BAZ1A: variants seen among roughly 807,000 people sequenced by gnomAD.
The protein encoded by BAZ1A is bromodomain adjacent to zinc finger domain 1A.
A neutral mutation model predicts 185.2 loss-of-function variants in BAZ1A; 50 were observed. That is an observed-to-expected ratio of 0.27 (90% CI 0.22 to 0.34). The LOEUF (loss-of-function observed/expected upper bound fraction) is 0.34, where lower values mean the gene tolerates loss of function less well. Ranked by LOEUF, BAZ1A falls within the 10% of genes least tolerant of loss-of-function variation. The probability of loss-of-function intolerance (pLI) is 1.00; values close to 1 mark genes in which losing one functional copy is unlikely to be tolerated. For missense variants in BAZ1A, 1,356 were observed against 1,839.9 expected (o/e 0.74, Z 4.81); for synonymous variants, 571 against 615.6 (o/e 0.93, Z 1.07).
chr14:34,793,937 G>A (rs573481418), intron 11 of BAZ1A, among the ~76,000 whole-genome samples: 19 of 150,170 alleles, frequency 1.3e-4, no homozygotes, highest in Non-Finnish European at 2.1e-4. Context: ...GCGAGACTCC[G>A]TCTCAAAAAG....
At chr14:34,786,043 A>G in intron 13 of BAZ1A, 42 bp from the exon 14 acceptor site, 2 of 1,597,068 alleles carry the variant, frequency 1.3e-6, no homozygotes, top group Middle Eastern at 1.7e-4. Flanking sequence ...GAATATAAAC[A>G]ATAAATACTC....
At chr14:34,793,868 G>A (rs1444942335) in intron 11 of BAZ1A, among the ~76,000 whole-genome samples, 11 of 152,080 alleles carry the variant, frequency 7.2e-5, no homozygotes, top group Non-Finnish European at 1.5e-4. Flanking sequence ...CTTGAACCCC[G>A]GAGGTGGAGG....
chr14:34,842,031 T>C (rs1038852292), intron 3 of BAZ1A, among the ~76,000 whole-genome samples: 7 of 152,188 alleles, frequency 4.6e-5, no homozygotes, highest in African/African-American at 1.7e-4. Context: ...TCTAAAATTA[T>C]CCTTTTGTGT....
rs369345840 is a variant in BAZ1A at position 34,777,174 on chromosome 14, T to G, written c.2237-659A>C. Among the ~76,000 whole-genome samples, 6 of 152,308 alleles carry G rather than the reference T, an allele frequency of 3.9e-5. No homozygotes were observed. In the East Asian group the frequency reaches 1.2e-3, roughly 29 times the overall value. On this transcript the variant is annotated intron_variant, in intron 17 of 26. Transcript: ENST00000360310. ...TTATAAATATTTGTCTTTGTGGATCTTATGGTCTTCACAGCTATTCAATTC... is the reference window on the plus strand; with the variant it reads ...TTATAAATATTTGTCTTTGTGGATCGTATGGTCTTCACAGCTATTCAATTC...
At chr14:34,847,236 T>TA (rs5807798) in intron 3 of BAZ1A, among the ~76,000 whole-genome samples, 38,016 of 142,442 alleles carry the variant, frequency 0.27, 5,544 homozygotes, top group Middle Eastern at 0.35. Context: ...AGACTAGTCT[T>TA]AAAAAAAAAA....
At chr14:34,808,701 T>C (rs888733996) in intron 5 of BAZ1A, among the ~76,000 whole-genome samples, 1 of 152,152 alleles carries the variant, frequency 6.6e-6, no homozygotes, top group Non-Finnish European at 1.5e-5. Flanking sequence ...TTAAAATTAA[T>C]ATTCTAAAAC....
chr14:34,827,498 G>A (rs2042180311), intron 3 of BAZ1A, among the ~76,000 whole-genome samples: 1 of 151,964 alleles, frequency 6.6e-6, no homozygotes, highest in African/African-American at 2.4e-5. Flanking sequence ...CACTTTGGGA[G>A]GCCGAGGCGG....
intron 3 of BAZ1A, among the ~76,000 whole-genome samples, chr14:34,846,699 A>G (rs894175494): frequency 6.6e-6 from 1 of 152,192 alleles, no homozygotes; most frequent in African/African-American, 2.4e-5. Context: ...TAAGGGTTCT[A>G]AATGTTAACT....
At chr14:34,798,928 T>G (rs1021954646) in intron 9 of BAZ1A, among the ~76,000 whole-genome samples, 2 of 152,174 alleles carry the variant, frequency 1.3e-5, no homozygotes, top group South Asian at 2.1e-4. Flanking sequence ...TAAAGTCACA[T>G]GCACACATAT....
chr14:34,808,806 T>TAGA (rs890575568), intron 5 of BAZ1A, among the ~76,000 whole-genome samples: 68 of 151,934 alleles, frequency 4.5e-4, no homozygotes, highest in African/African-American at 1.5e-3. Flanking sequence ...AGAAAAGAAA[T>TAGA]AGAAGTATTT....
At chr14:34,834,853 G>C (rs1006772176) in intron 3 of BAZ1A, among the ~76,000 whole-genome samples, 7 of 152,184 alleles carry the variant, frequency 4.6e-5, no homozygotes, top group Admixed American at 3.3e-4. Context: ...GACCCAGCTA[G>C]AGGATCTTCA....
At chr14:34,836,816 CAA>C (rs1390042047) in intron 3 of BAZ1A, among the ~76,000 whole-genome samples, 3 of 151,970 alleles carry the variant, frequency 2.0e-5, no homozygotes, top group Non-Finnish European at 4.4e-5. Flanking sequence ...GCTATTCACA[CAA>C]AAAGAGTGTG....
chr14:34,866,541 T>C (rs1254109683), intron 2 of BAZ1A, among the ~76,000 whole-genome samples: 1 of 145,168 alleles, frequency 6.9e-6, no homozygotes, highest in East Asian at 2.0e-4. Flanking sequence ...AACAAACATA[T>C]CTATAATATT....
chr14:34,861,389 G>A (rs192203820), intron 3 of BAZ1A, among the ~76,000 whole-genome samples: 60 of 152,270 alleles, frequency 3.9e-4, no homozygotes, highest in Middle Eastern at 3.4e-3. Flanking sequence ...CTCGGTGAAA[G>A]GGAAGAGCAC....
intron 20 of BAZ1A, among the ~76,000 whole-genome samples, chr14:34,772,609 A>G (rs1270133862): frequency 6.6e-6 from 1 of 152,188 alleles, no homozygotes; most frequent in Non-Finnish European, 1.5e-5. Flanking sequence ...TAGTAATAAT[A>G]TTTAATACTT....
chr14:34,849,025 G>A (rs1004571258), intron 3 of BAZ1A, among the ~76,000 whole-genome samples: 3 of 152,194 alleles, frequency 2.0e-5, no homozygotes, highest in African/African-American at 7.2e-5. Context: ...GTGGCTAGGT[G>A]TGGTGGCTCA....
intron 3 of BAZ1A, among the ~76,000 whole-genome samples, chr14:34,839,715 T>C (rs946329618): frequency 1.3e-5 from 2 of 150,210 alleles, no homozygotes; most frequent in Non-Finnish European, 3.0e-5. Flanking sequence ...TGGTGGCGGG[T>C]GCCTGTAGTC....
At chr14:34,770,496 C>G (rs1407559727) in intron 21 of BAZ1A, among the ~76,000 whole-genome samples, 1 of 152,172 alleles carries the variant, frequency 6.6e-6, no homozygotes, top group African/African-American at 2.4e-5. Context: ...GTAGTTCTTT[C>G]AATAGGAGAC....
At chr14:34,844,758 AACACACACACACACACGCGCAC>A (rs970130098) in intron 3 of BAZ1A, among the ~76,000 whole-genome samples, 1 of 130,848 alleles carries the variant, frequency 7.6e-6, no homozygotes, top group Non-Finnish European at 1.6e-5. Flanking sequence ...ACCCTGTCTA[AACACACACACACACACGCGCAC>A]ACACACACAC....
Sources: allele counts gnomAD v4.1 joint callset (sites outside exome capture counted in the v4.1 genomes callset), GRCh38; gene constraint gnomAD v4.1.1; transcripts MANE v1.5; gene names NCBI Gene and HGNC (gene_info 2026-07-23, HGNC 2026-07-21).